Variants in FAAH2 observed in about 807,000 individuals in gnomAD.
The protein encoded by FAAH2 is fatty acid amide hydrolase 2.
FAAH2 carries 60 observed loss-of-function variants against 36.9 expected under a neutral mutation model. The observed-to-expected ratio is 1.63, with a 90% CI of 1.32 to 2.02. The LOEUF is 2.02. Ranked by LOEUF, FAAH2 falls within the 30% of genes most tolerant of loss-of-function variation. The probability of loss-of-function intolerance (pLI) is 0.00; values close to 1 mark genes in which losing one functional copy is unlikely to be tolerated. For missense variants in FAAH2, 689 were observed against 397.5 expected, an observed-to-expected ratio of 1.73 and a Z score of -6.23; for synonymous variants, 214 against 143.8, an observed-to-expected ratio of 1.49 and a Z score of -3.49.
chrX:57,328,081 T>A (rs900926950), intron 3 of FAAH2, among the ~76,000 whole-genome samples: 4 of 112,345 alleles, frequency 3.6e-5, no homozygotes, highest in Non-Finnish European at 5.6e-5. Context: ...GCTGCAGGTC[T>A]GTTGGAGTTT....
At chrX:57,313,994 A>T (rs929720816) in intron 3 of FAAH2, among the ~76,000 whole-genome samples, 2 of 111,829 alleles carry the variant, frequency 1.8e-5, no homozygotes, top group Non-Finnish European at 1.9e-5. Flanking sequence ...TAAGAGGCCC[A>T]TCTCACATGT....
At chrX:57,130,253 G>A in the FAAH2 span, among the ~76,000 whole-genome samples, 1 of 112,359 alleles carries the variant, frequency 8.9e-6, no homozygotes, top group Non-Finnish European at 1.9e-5. Context: ...CAGGAGGGCG[G>A]CATTATCTGG....
At chrX:57,164,491 C>G in the FAAH2 span, among the ~76,000 whole-genome samples, 1 of 110,952 alleles carries the variant, frequency 9.0e-6, no homozygotes, top group South Asian at 3.8e-4. Flanking sequence ...CTAGTATAGC[C>G]CTGGTAGTCA....
chrX:57,424,732 G>A (rs1397063757), intron 7 of FAAH2, among the ~76,000 whole-genome samples: 1 of 111,847 alleles, frequency 8.9e-6, no homozygotes, highest in Non-Finnish European at 1.9e-5. Context: ...AATAAATATG[G>A]CCTTTATAAG....
chrX:57,305,188 C>G (rs992202696), intron 2 of FAAH2, among the ~76,000 whole-genome samples: 3 of 110,376 alleles, frequency 2.7e-5, no homozygotes. Context: ...GTCTGCAGCC[C>G]AGACCTTTCC....
chrX:57,453,340 G>A (rs2147194466), intron 10 of FAAH2, among the ~76,000 whole-genome samples: 1 of 112,673 alleles, frequency 8.9e-6, no homozygotes, highest in East Asian at 2.8e-4. Flanking sequence ...AAAGGAAAAT[G>A]AGACCCACAA....
At chrX:57,308,058 G>A (rs1179795225) in intron 2 of FAAH2, among the ~76,000 whole-genome samples, 1 of 111,847 alleles carries the variant, frequency 8.9e-6, no homozygotes. Context: ...TGGGCATCTA[G>A]ATTGATTCCA....
At chrX:57,344,981 A>G (rs1195540012) in intron 5 of FAAH2, among the ~76,000 whole-genome samples, 1 of 110,874 alleles carries the variant, frequency 9.0e-6, no homozygotes, top group Non-Finnish European at 1.9e-5. Flanking sequence ...TGCTGAAATA[A>G]GTTTGCTAGT....
At chrX:57,179,742 C>T in the FAAH2 span, among the ~76,000 whole-genome samples, 1 of 111,504 alleles carries the variant, frequency 9.0e-6, no homozygotes, top group Non-Finnish European at 1.9e-5. Flanking sequence ...TATTCAGGAC[C>T]TGAACCCAGC....
intron 5 of FAAH2, among the ~76,000 whole-genome samples, chrX:57,356,792 T>A (rs1376277152): frequency 9.0e-6 from 1 of 110,963 alleles, no homozygotes; most frequent in African/African-American, 3.3e-5. Context: ...TATTATTTAT[T>A]TATTTTAATT....
At chrX:57,218,288 G>A in the FAAH2 span, among the ~76,000 whole-genome samples, 2 of 111,643 alleles carry the variant, frequency 1.8e-5, no homozygotes, top group South Asian at 3.8e-4. Context: ...CATTCTCAGA[G>A]GGAATGCTTT....
chrX:57,270,262 A>G, the FAAH2 span, among the ~76,000 whole-genome samples: 3 of 111,717 alleles, frequency 2.7e-5, no homozygotes, highest in Non-Finnish European at 1.9e-5. Flanking sequence ...GACCAGATGG[A>G]TTCATGGCTG....
At chrX:57,335,296 C>A (rs937173647) in intron 4 of FAAH2, among the ~76,000 whole-genome samples, 9 of 110,756 alleles carry the variant, frequency 8.1e-5, no homozygotes, top group East Asian at 2.8e-4. Context: ...CCCAGGGGAC[C>A]GGCGTTCAGC....
chrX:57,328,163 G>T (rs2053277117), intron 3 of FAAH2, among the ~76,000 whole-genome samples: 1 of 111,821 alleles, frequency 8.9e-6, no homozygotes, highest in Non-Finnish European at 1.9e-5. Flanking sequence ...GAATATTGGT[G>T]AACAGCAAAT....
chrX:57,235,411 A>G, the FAAH2 span, among the ~76,000 whole-genome samples: 2 of 111,995 alleles, frequency 1.8e-5, no homozygotes, highest in Non-Finnish European at 3.8e-5. Flanking sequence ...TGTTGCTACA[A>G]AAAGTCCTTT....
At chrX:57,260,660 C>CA in the FAAH2 span, among the ~76,000 whole-genome samples, 2 of 110,686 alleles carry the variant, frequency 1.8e-5, no homozygotes, top group Non-Finnish European at 3.8e-5. Flanking sequence ...CAAGAATCTA[C>CA]AAAAAATCTT....
chrX:57,156,847 C>A, the FAAH2 span, among the ~76,000 whole-genome samples: 5 of 111,708 alleles, frequency 4.5e-5, 1 homozygote, highest in Admixed American at 9.5e-5. Flanking sequence ...ACTTGAAGCC[C>A]AGGGCTTTCC....
intron 10 of FAAH2, among the ~76,000 whole-genome samples, chrX:57,476,333 T>C (rs1356052830): frequency 1.8e-5 from 2 of 110,895 alleles, no homozygotes; most frequent in Non-Finnish European, 3.8e-5. Flanking sequence ...GGCTATAAGT[T>C]TGTCATAAAT....
Position 57,488,936 on chromosome X carries a change from G to A in FAAH2, c.*4G>A, listed in dbSNP as rs761885938. ...GGTCTGTCCAGGAAAGTTTTAGGAG[G>A]ACCTTCTGCAAGGTTAATGTGTGTG... On this transcript the variant is annotated 3_prime_UTR_variant, in exon 11 of 11. Transcript: ENST00000374900. 4 of 1,207,566 alleles carry A rather than the reference G, an allele frequency of 3.3e-6. No individual in the cohort carries two copies. Among genetic ancestry groups the A allele is most frequent in the Admixed American group, 2.2e-5 (1 of 45,283 alleles).
Sources: allele counts gnomAD v4.1 joint callset (sites outside exome capture counted in the v4.1 genomes callset), GRCh38; gene constraint gnomAD v4.1.1; transcripts MANE v1.5; gene names NCBI Gene and HGNC (gene_info 2026-07-23, HGNC 2026-07-21).